The following TRIP12 variants were observed in gnomAD, a reference collection of about 807,000 sequenced individuals.
TRIP12 encodes thyroid hormone receptor interactor 12, also known as E3 ubiquitin-protein ligase TRIP12.
A neutral mutation model predicts 244.2 loss-of-function variants in TRIP12; 25 were observed. The ratio of observed to expected loss-of-function variants is 0.10; its 90% CI spans 0.07 to 0.14. The LOEUF (loss-of-function observed/expected upper bound fraction) is 0.14. Ranked by LOEUF, TRIP12 falls within the 10% of genes least tolerant of loss-of-function variation. TRIP12 has a pLI of 1.00. For missense variants in TRIP12, 1,677 were observed against 2,486.4 expected (o/e 0.67, Z 6.92); for synonymous variants, 905 against 873.1 (o/e 1.04, Z -0.64).
Position 229,774,370 on chromosome 2 carries a change from T to C in TRIP12, c.5530-109A>G, listed in dbSNP as rs1038093926. ...ATATAAGCTATCCTAATAAAGCTGA[T>C]GGGTTCAACTCTTAGCCTCTTTATT... On this transcript the variant is annotated intron_variant, in intron 37 of 41. Transcript: ENST00000675903. 6.3e-6 allele frequency: 7 copies of C among 1,115,408 alleles called. No individual in the cohort carries two copies. In the African/African-American group the frequency reaches 9.6e-5, roughly 15 times the overall value. The allele number at this position is 1,115,408 out of a possible 1,614,324, so 69.1% of individuals were successfully genotyped here. A position where few individuals can be genotyped will look rare whatever the true frequency, so the allele number is the denominator to read the frequency against.
chr2:229,849,592 G>C (rs960385953), intron 4 of TRIP12, among the ~76,000 whole-genome samples: 1 of 152,158 alleles, frequency 6.6e-6, no homozygotes, highest in Non-Finnish European at 1.5e-5. Flanking sequence ...GCCAGGCATA[G>C]TGGCTCATGC....
chr2:229,796,932 A>G (rs752004578), intron 24 of TRIP12, 150 bp from the exon 25 acceptor site: 5 of 536,194 alleles, frequency 9.3e-6, no homozygotes, highest in African/African-American at 2.2e-5. Context: ...AATCCTTGGA[A>G]ATTATGATTT....
intron 1 of TRIP12, among the ~76,000 whole-genome samples, chr2:229,886,531 G>A (rs2066062440): frequency 6.6e-6 from 1 of 151,496 alleles, no homozygotes; most frequent in African/African-American, 2.4e-5. Flanking sequence ...GCGCGATCTC[G>A]GTTCACTGCA....
At chr2:229,848,769 C>A (rs1257217275) in intron 4 of TRIP12, among the ~76,000 whole-genome samples, 1 of 152,114 alleles carries the variant, frequency 6.6e-6, no homozygotes, top group African/African-American at 2.4e-5. Flanking sequence ...TAAATCAGAA[C>A]TAGGAATGGT....
chr2:229,913,599 G>C (rs2074766467), intron 1 of TRIP12, among the ~76,000 whole-genome samples: 1 of 152,134 alleles, frequency 6.6e-6, no homozygotes, highest in South Asian at 2.1e-4. Flanking sequence ...GCCTAATTTT[G>C]AAAAATTTAT....
Position 229,791,857 on chromosome 2 carries a change from C to T in TRIP12, c.4415+9G>A, listed in dbSNP as rs2041632559. The T allele has an allele frequency of 2.5e-6, 4 of 1,606,048 alleles. No homozygotes were observed. Among genetic ancestry groups the T allele is most frequent in the African/African-American group, 1.3e-5 (1 of 74,380 alleles). On this transcript the variant is annotated intron_variant, in intron 29 of 41. Coordinates refer to ENST00000675903, the MANE Select transcript of TRIP12 (RefSeq NM_001348323.3). ...ATGAAAAAACAAAAGAAAGAATTTT[C>T]AGACTTGCCATATTGTATGAGTCTT...
rs1255472972 is a variant in TRIP12 at position 229,840,885 on chromosome 2, G to C, written c.1070C>G (p.Ala357Gly). The C allele has an allele frequency of 3.7e-6, 6 of 1,610,906 alleles. No individual in the cohort carries two copies. In the South Asian group the frequency reaches 6.6e-5, roughly 18 times the overall value. ...GCTCCGCCTCAAACTGGGGAGCTCAGCAGGTGGAGACTCACTGCGTTTCTT... is the reference window on the plus strand; with the variant it reads ...GCTCCGCCTCAAACTGGGGAGCTCACCAGGTGGAGACTCACTGCGTTTCTT... ...STKKRSESPP[A>G]ELPSLRRSTR... The change falls in exon 5 of 42, where the codon GCT becomes GGT. Residue 357 changes from alanine to glycine, a missense_variant. Physicochemically the swap from Ala to Gly is moderately conservative, Grantham distance 60. Coordinates refer to ENST00000675903, the MANE Select transcript of TRIP12 (RefSeq NM_001348323.3).
chr2:229,863,485 TCAAA>T (rs2060816076), intron 2 of TRIP12, among the ~76,000 whole-genome samples: 3 of 152,084 alleles, frequency 2.0e-5, no homozygotes, highest in Admixed American at 2.0e-4. Flanking sequence ...CAGAAAATTC[TCAAA>T]CAAACGAGCA....
chr2:229,868,147 A>G (rs1306954588), intron 2 of TRIP12, among the ~76,000 whole-genome samples: 1 of 152,228 alleles, frequency 6.6e-6, no homozygotes, highest in Non-Finnish European at 1.5e-5. Flanking sequence ...AAGATTTACT[A>G]TTGCTGAAAA....
At chr2:229,825,620 G>A (rs189070655) in intron 8 of TRIP12, among the ~76,000 whole-genome samples, 10 of 152,162 alleles carry the variant, frequency 6.6e-5, no homozygotes, top group African/African-American at 2.2e-4. Context: ...TAAAACCATC[G>A]GATCTAGTGA....
intron 24 of TRIP12, 58 bp from the exon 25 acceptor site, chr2:229,796,840 C>A (rs1201533657): frequency 7.0e-7 from 1 of 1,425,006 alleles, no homozygotes; most frequent in African/African-American, 1.4e-5. Flanking sequence ...AAAAAATACA[C>A]AACTCACATA....
chr2:229,826,870 T>C (rs2051782873), intron 8 of TRIP12, among the ~76,000 whole-genome samples: 1 of 152,226 alleles, frequency 6.6e-6, no homozygotes, highest in Admixed American at 6.5e-5. Flanking sequence ...GGAATGGAAG[T>C]TTCTCTGGGT....
intron 1 of TRIP12, among the ~76,000 whole-genome samples, chr2:229,895,290 A>G (rs989462937): frequency 2.5e-4 from 38 of 152,198 alleles, no homozygotes; most frequent in African/African-American, 8.4e-4. Context: ...AGAAGGAATT[A>G]TATAAAATAT....
chr2:229,803,731 T>G, intron 19 of TRIP12, 42 bp from the exon 20 acceptor site: 2 of 1,444,356 alleles, frequency 1.4e-6, no homozygotes, highest in African/African-American at 1.4e-5. Flanking sequence ...CTGCCTGAAT[T>G]TGATGATTAT....
In TRIP12 at chr2:229,789,598, C is replaced by A; in HGVS notation, c.4695+13G>T. On this transcript the variant is annotated intron_variant, in intron 31 of 41. Transcript: ENST00000675903. Reference sequence around the variant, plus strand: ...AGACCATGAAAACTTCATAAATAGGCAACATTACTCACATCATACAAGTAA... The same window carrying A: ...AGACCATGAAAACTTCATAAATAGGAAACATTACTCACATCATACAAGTAA... The A allele has an allele frequency of 6.2e-7, 1 of 1,605,504 alleles. No individual in the cohort carries two copies. Among genetic ancestry groups the A allele is most frequent in the Admixed American group, 1.7e-5 (1 of 59,118 alleles).
intron 2 of TRIP12, among the ~76,000 whole-genome samples, chr2:229,864,793 C>G (rs918416458): frequency 6.6e-6 from 1 of 152,124 alleles, no homozygotes; most frequent in Middle Eastern, 3.2e-3. Flanking sequence ...ATAATCAACT[C>G]TGGGTTATGT....
At chr2:229,772,503 G>C (rs1057019311) in intron 38 of TRIP12, among the ~76,000 whole-genome samples, 1 of 152,100 alleles carries the variant, frequency 6.6e-6, no homozygotes, top group Non-Finnish European at 1.5e-5. Context: ...TCGCTCTGTC[G>C]CCTAGGCTGG....
intron 4 of TRIP12, among the ~76,000 whole-genome samples, chr2:229,851,758 C>G (rs971078171): frequency 6.6e-6 from 1 of 151,830 alleles, no homozygotes; most frequent in Non-Finnish European, 1.5e-5. Context: ...ACACTCACCG[C>G]GCAGCTTCAC....
chr2:229,772,767 T>C (rs1320976888), intron 38 of TRIP12, among the ~76,000 whole-genome samples: 1 of 151,570 alleles, frequency 6.6e-6, no homozygotes, highest in East Asian at 1.9e-4. Context: ...TAGCCAGTTA[T>C]TATTTAACCT....
Sources: gnomAD v4.1 joint callset for allele counts (sites outside exome capture counted in the v4.1 genomes callset) on GRCh38, gnomAD v4.1.1 for gene constraint, MANE v1.5 for transcripts, NCBI Gene and HGNC (gene_info 2026-07-23, HGNC 2026-07-21) for gene names.